The following DIPK2A variants were observed in gnomAD, a reference collection of about 807,000 sequenced individuals.
DIPK2A encodes the protein divergent protein kinase domain 2A.
DIPK2A carries 27 observed loss-of-function variants against 39.0 expected under a neutral mutation model. That is an observed-to-expected ratio of 0.69 (90% confidence interval 0.51 to 0.96). DIPK2A has a LOEUF of 0.96. DIPK2A is among the 40% of genes least tolerant of loss of function. The probability of loss-of-function intolerance (pLI) is 0.00; values close to 1 mark genes in which losing one functional copy is unlikely to be tolerated. For synonymous variants in DIPK2A, 298 were observed against 240.8 expected (o/e 1.24, Z -2.20); for missense variants, 528 against 571.3 (o/e 0.92, Z 0.77).
At position 143,984,003 on chromosome 3, in the gene DIPK2A, T is replaced by TC. The variant is rs992379365; in HGVS notation, c.658-1538dup. 4.6e-5 allele frequency among the ~76,000 whole-genome samples: 7 copies of TC among 152,248 alleles called. No homozygotes were observed. In the East Asian group the frequency reaches 1.2e-3, roughly 25 times the overall value. The stretch of plus-strand genomic sequence containing the variant: ...TTTCTGTATCAGCACTTGCTGCTTC[T>TC]CCTTGCGCTTTTATCTTACGGTGAT... On this transcript the variant is annotated intron_variant, in intron 1 of 2. Transcript: ENST00000315691.
intron 1 of DIPK2A, among the ~76,000 whole-genome samples, chr3:143,976,549 T>A (rs367566064): frequency 8.9e-5 from 9 of 100,574 alleles, no homozygotes; most frequent in South Asian, 2.7e-4. Context: ...TGTGTGTGTG[T>A]GTGTGTGAGA....
At chr3:143,985,160 GCAGTGCTAT>G (rs1017828592) in intron 1 of DIPK2A, among the ~76,000 whole-genome samples, 5 of 152,218 alleles carry the variant, frequency 3.3e-5, no homozygotes, top group African/African-American at 1.2e-4. Flanking sequence ...TTAATAGGCT[GCAGTGCTAT>G]CAGTTTAAAT....
At chr3:143,987,067 A>G (rs2087913708) in intron 2 of DIPK2A, among the ~76,000 whole-genome samples, 1 of 151,990 alleles carries the variant, frequency 6.6e-6, no homozygotes. Flanking sequence ...TTACCAGACC[A>G]CTTTTCTGAT....
rs888190676 is a variant in DIPK2A at position 143,992,156 on chromosome 3, C to T, written c.*2315C>T. The T allele has an allele frequency of 5.2e-5, 8 of 152,526 alleles. No individual in the cohort carries two copies. The highest frequency in any genetic ancestry group is 1.7e-4 in the African/African-American group (7 of 41,420). 9.4% of individuals were successfully genotyped at this position (152,526 alleles called of 1,614,324 possible). On this transcript the variant is annotated 3_prime_UTR_variant, in exon 3 of 3. Coordinates refer to ENST00000315691, the MANE Select transcript of DIPK2A (RefSeq NM_173552.5). ...CTATCAGATATTTATTATATGGCAG[C>T]AATTTATATTTTTAATCATTGCCCA...
intron 1 of DIPK2A, 58 bp downstream of exon 1, chr3:143,973,047 G>C (rs2087680763): frequency 6.6e-7 from 1 of 1,515,442 alleles, no homozygotes; most frequent in East Asian, 2.4e-5. Context: ...GGGAATCAGA[G>C]TCGGGAGAAG....
At chr3:143,981,278 T>G (rs140771374) in intron 1 of DIPK2A, among the ~76,000 whole-genome samples, 209 of 152,362 alleles carry the variant, frequency 1.4e-3, no homozygotes, top group Non-Finnish European at 2.1e-3. Flanking sequence ...TGTTTTTGCA[T>G]GGCATACATA....
In DIPK2A at chr3:143,972,926, G is replaced by A. The variant is rs746088220; in HGVS notation, c.594G>A (p.Lys198=). ...DSGSFLLRNL[K]DSERMQLLLT... ...GCAGCTTCCTGCTTCGCAACCTCAA[G>A]GACTCGGAGCGCATGCAGCTGCTGC... The change falls in exon 1 of 3, where the codon AAG becomes AAA. Residue 198 remains lysine (K), a synonymous_variant. Transcript: ENST00000315691. 6.3e-7 allele frequency: 1 copy of A among 1,590,504 alleles called. No individual in the cohort carries two copies. Among genetic ancestry groups the A allele is most frequent in the African/African-American group, 1.3e-5 (1 of 74,602 alleles).
intron 1 of DIPK2A, among the ~76,000 whole-genome samples, chr3:143,973,999 A>G (rs2087695486): frequency 1.3e-5 from 2 of 152,226 alleles, no homozygotes; most frequent in African/African-American, 4.8e-5. Flanking sequence ...TTCTGTCTGC[A>G]GGAAAAGTTA....
intron 2 of DIPK2A, among the ~76,000 whole-genome samples, chr3:143,989,059 C>A (rs1475037437): frequency 6.6e-6 from 1 of 152,208 alleles, no homozygotes; most frequent in Non-Finnish European, 1.5e-5. Flanking sequence ...ATGGAGCAAT[C>A]CCTTATGTCC....
chr3:143,982,121 G>T (rs1216642286), intron 1 of DIPK2A, among the ~76,000 whole-genome samples: 2 of 152,176 alleles, frequency 1.3e-5, no homozygotes, highest in African/African-American at 4.8e-5. Context: ...TTTAGTGCTT[G>T]TGGATGCTCT....
chr3:143,972,881 C>T lies in DIPK2A; in HGVS notation c.549C>T (p.Tyr183=). The T allele has an allele frequency of 6.3e-7, 1 of 1,578,624 alleles. No individual in the cohort carries two copies. The highest frequency in any genetic ancestry group is 1.3e-5 in the African/African-American group (1 of 74,484). Reference sequence around the variant, plus strand: ...TTCTCGACCGCCTGGTGCGCCGCTACGCGGAGACCAAGGACTCGGGCAGCT... The same window carrying T: ...TTCTCGACCGCCTGGTGCGCCGCTATGCGGAGACCAAGGACTCGGGCAGCT... ...QRLLDRLVRR[Y]AETKDSGSFL... Residue 183 remains tyrosine, a synonymous_variant, in exon 1 of 3, where the codon TAC becomes TAT. Coordinates refer to ENST00000315691, the MANE Select transcript of DIPK2A (RefSeq NM_173552.5).
intron 1 of DIPK2A, among the ~76,000 whole-genome samples, chr3:143,980,188 C>G (rs1034560134): frequency 6.6e-6 from 1 of 152,168 alleles, no homozygotes; most frequent in Admixed American, 6.5e-5. Flanking sequence ...ACATGCGTTA[C>G]TACAATGGGA....
intron 1 of DIPK2A, among the ~76,000 whole-genome samples, chr3:143,984,009 C>A (rs1158737056): frequency 6.6e-6 from 1 of 152,180 alleles, no homozygotes; most frequent in African/African-American, 2.4e-5. Context: ...CTTCTCCTTG[C>A]GCTTTTATCT....
At chr3:143,981,670 A>G (rs2087831423) in intron 1 of DIPK2A, among the ~76,000 whole-genome samples, 1 of 152,130 alleles carries the variant, frequency 6.6e-6, no homozygotes, top group South Asian at 2.1e-4. Context: ...TAAATAAGCA[A>G]AAACAAAAAC....
At chr3:143,978,143 G>GT (rs1266766631) in intron 1 of DIPK2A, among the ~76,000 whole-genome samples, 6 of 151,952 alleles carry the variant, frequency 3.9e-5, no homozygotes, top group East Asian at 1.9e-4. Flanking sequence ...TTTTTATTCT[G>GT]TTTTTTTGGT....
chr3:143,973,380 G>T, intron 1 of DIPK2A: 1 of 1,548,358 alleles, frequency 6.5e-7, no homozygotes, highest in Non-Finnish European at 8.7e-7. Context: ...CGAGCCCTTG[G>T]ACCTTTCCTA....
intron 1 of DIPK2A, among the ~76,000 whole-genome samples, chr3:143,982,490 A>T (rs949758326): frequency 1.3e-5 from 2 of 152,234 alleles, no homozygotes; most frequent in Admixed American, 1.3e-4. Flanking sequence ...TTTCATATCC[A>T]GCCAAATTAA....
Position 143,989,959 on chromosome 3 carries a change from T to C in DIPK2A, c.*118T>C. 4.2e-6 allele frequency: 3 copies of C among 707,178 alleles called. No individual in the cohort carries two copies. The highest frequency in any genetic ancestry group is 7.0e-6 in the Non-Finnish European group (3 of 425,710). The allele number at this position is 707,178 out of a possible 1,614,324, so 43.8% of individuals were successfully genotyped here. A position where few individuals can be genotyped will look rare whatever the true frequency, so the allele number is the denominator to read the frequency against. On this transcript the variant is annotated 3_prime_UTR_variant, in exon 3 of 3. Transcript: ENST00000315691. Reference sequence around the variant, plus strand: ...TGTTACATTCAGAGGATGATAAACTTGCACTGATAGATCTTAATGTTAACA... The same window carrying C: ...TGTTACATTCAGAGGATGATAAACTCGCACTGATAGATCTTAATGTTAACA...
intron 1 of DIPK2A, among the ~76,000 whole-genome samples, chr3:143,975,370 A>G (rs1031299049): frequency 6.6e-6 from 1 of 152,120 alleles, no homozygotes; most frequent in Non-Finnish European, 1.5e-5. Flanking sequence ...AAGAGTTTTC[A>G]GAGAGCCGCT....
Sources: allele counts gnomAD v4.1 joint callset (sites outside exome capture counted in the v4.1 genomes callset), GRCh38; gene constraint gnomAD v4.1.1; transcripts MANE v1.5; gene names NCBI Gene and HGNC (gene_info 2026-07-23, HGNC 2026-07-21).